The following XIRP2 variants were observed in gnomAD, a reference collection of about 807,000 sequenced individuals.
XIRP2 encodes xin actin binding repeat containing 2.
Under a neutral mutation model 277.0 loss-of-function variants are expected in XIRP2, and 236 were observed. The observed-to-expected ratio is 0.85, with a 90% CI of 0.77 to 0.95. The LOEUF (loss-of-function observed/expected upper bound fraction) is 0.95. XIRP2 is among the 40% of genes least tolerant of loss of function. XIRP2 has a pLI of 0.00. For missense variants in XIRP2, 4,640 were observed against 4,157.5 expected, an observed-to-expected ratio of 1.12 and a Z score of -3.19; for synonymous variants, 1,490 against 1,416.5, an observed-to-expected ratio of 1.05 and a Z score of -1.17.
intron 2 of XIRP2, among the ~76,000 whole-genome samples, chr2:167,015,001 G>T (rs138912587): frequency 6.6e-6 from 1 of 151,662 alleles, no homozygotes; most frequent in East Asian, 2.0e-4. Flanking sequence ...ACACATCCAC[G>T]AGTCTCCTTT....
chr2:167,222,920 C>A (rs1694475037), intron 5 of XIRP2, among the ~76,000 whole-genome samples: 1 of 151,870 alleles, frequency 6.6e-6, no homozygotes. Flanking sequence ...CATACCATAA[C>A]TTTCACCCAT....
At chr2:166,933,329 T>C (rs1290937459) in intron 2 of XIRP2, among the ~76,000 whole-genome samples, 1 of 151,814 alleles carries the variant, frequency 6.6e-6, no homozygotes, top group Non-Finnish European at 1.5e-5. Context: ...TATGTTTTTT[T>C]AGTAGAGATG....
intron 2 of XIRP2, among the ~76,000 whole-genome samples, chr2:166,947,219 A>G (rs138018437): frequency 3.2e-4 from 48 of 152,300 alleles, no homozygotes; most frequent in African/African-American, 1.1e-3. Flanking sequence ...ATACTGCATC[A>G]TTTTTTATAG....
chr2:167,254,828 A>T (rs912577781), intron 10 of XIRP2, among the ~76,000 whole-genome samples: 1 of 151,608 alleles, frequency 6.6e-6, no homozygotes. Context: ...AAATGCATTC[A>T]TTTTCCAAAA....
At chr2:166,985,249 C>G (rs1686971186) in intron 2 of XIRP2, among the ~76,000 whole-genome samples, 1 of 152,164 alleles carries the variant, frequency 6.6e-6, no homozygotes, top group Non-Finnish European at 1.5e-5. Flanking sequence ...CCCTAGCTAA[C>G]AGACAGGTTG....
intron 10 of XIRP2, among the ~76,000 whole-genome samples, chr2:167,256,294 ATTC>A (rs1426971770): frequency 2.0e-5 from 3 of 151,204 alleles, no homozygotes; most frequent in African/African-American, 7.3e-5. Context: ...TTTCTCTCAA[ATTC>A]TTTTCATATT....
intron 3 of XIRP2, among the ~76,000 whole-genome samples, chr2:167,188,695 G>T (rs973391086): frequency 2.0e-5 from 3 of 152,110 alleles, no homozygotes; most frequent in African/African-American, 7.2e-5. Flanking sequence ...TTTTCTTCTT[G>T]CTAGCAACAT....
At chr2:167,025,142 G>T (rs1688114067) in intron 2 of XIRP2, among the ~76,000 whole-genome samples, 1 of 152,044 alleles carries the variant, frequency 6.6e-6, no homozygotes, top group Non-Finnish European at 1.5e-5. Context: ...TCCTGTTATT[G>T]GTCTATTCAG....
At chr2:166,940,086 G>A (rs7602583) in intron 2 of XIRP2, among the ~76,000 whole-genome samples, 45,353 of 152,052 alleles carry the variant, frequency 0.3, 7,328 homozygotes, top group East Asian at 0.53. Context: ...AGGTACACCA[G>A]TCAGACTTAG....
At chr2:167,189,531 G>C (rs1206198947) in intron 3 of XIRP2, among the ~76,000 whole-genome samples, 1 of 152,114 alleles carries the variant, frequency 6.6e-6, no homozygotes, top group Non-Finnish European at 1.5e-5. Flanking sequence ...TAATTAAATT[G>C]TAATGTGTTT....
intron 2 of XIRP2, among the ~76,000 whole-genome samples, chr2:166,930,020 C>G (rs1004756652): frequency 6.6e-6 from 1 of 152,132 alleles, no homozygotes; most frequent in African/African-American, 2.4e-5. Context: ...AGCTAGGATT[C>G]AGAATCACTG....
chr2:167,115,397 A>G (rs900622389), intron 2 of XIRP2, among the ~76,000 whole-genome samples: 1 of 152,112 alleles, frequency 6.6e-6, no homozygotes, highest in Admixed American at 6.6e-5. Flanking sequence ...TGGGGAACTA[A>G]TGCATTCATT....
intron 2 of XIRP2, among the ~76,000 whole-genome samples, chr2:167,027,379 A>G (rs1574179958): frequency 6.6e-6 from 1 of 152,080 alleles, no homozygotes; most frequent in East Asian, 1.9e-4. Context: ...ACTTCTCTGC[A>G]TTGGCTATTC....
chr2:166,996,721 T>A (rs968855596), intron 2 of XIRP2, among the ~76,000 whole-genome samples: 1 of 152,160 alleles, frequency 6.6e-6, no homozygotes, highest in Non-Finnish European at 1.5e-5. Flanking sequence ...AATAAAATTG[T>A]AGTCGGCCTG....
chr2:166,999,402 TTAAAAGG>T (rs1254022601), intron 2 of XIRP2, among the ~76,000 whole-genome samples: 8 of 106,314 alleles, frequency 7.5e-5, no homozygotes, highest in Non-Finnish European at 1.0e-4. Context: ...GAAAATATTT[TTAAAAGG>T]AAAAGGAAAA....
chr2:167,113,984 G>T (rs545711191), intron 2 of XIRP2, among the ~76,000 whole-genome samples: 2 of 152,188 alleles, frequency 1.3e-5, no homozygotes, highest in African/African-American at 4.8e-5. Context: ...CATCTAGCTT[G>T]TAAGGTTTCC....
intron 3 of XIRP2, among the ~76,000 whole-genome samples, chr2:167,202,855 C>G (rs1693761527): frequency 6.6e-6 from 1 of 152,186 alleles, no homozygotes; most frequent in Non-Finnish European, 1.5e-5. Flanking sequence ...TTGGCTGTGC[C>G]AAGCTTCCTC....
At chr2:166,936,863 T>G (rs1050047482) in intron 2 of XIRP2, among the ~76,000 whole-genome samples, 2 of 152,204 alleles carry the variant, frequency 1.3e-5, no homozygotes, top group African/African-American at 2.4e-5. Flanking sequence ...TCCAGCCTTG[T>G]TCTTTTGGCT....
intron 5 of XIRP2, among the ~76,000 whole-genome samples, chr2:167,223,942 G>T (rs573797581): frequency 6.6e-6 from 1 of 152,278 alleles, no homozygotes; most frequent in Non-Finnish European, 1.5e-5. Context: ...AATCCACTTT[G>T]TGCTGCTATG....
Sources: gnomAD v4.1 joint callset for allele counts (sites outside exome capture counted in the v4.1 genomes callset) on GRCh38, gnomAD v4.1.1 for gene constraint, MANE v1.5 for transcripts, NCBI Gene and HGNC (gene_info 2026-07-23, HGNC 2026-07-21) for gene names.